Variants in MYO3B observed in about 807,000 individuals in gnomAD.
MYO3B encodes the protein myosin-IIIb.
Under a neutral mutation model 174.6 loss-of-function variants are expected in MYO3B, and 156 were observed. The observed-to-expected ratio is 0.89, with a 90% CI of 0.78 to 1.02. The LOEUF (loss-of-function observed/expected upper bound fraction) is 1.02. Ranked by LOEUF, MYO3B falls within the 50% of genes least tolerant of loss-of-function variation. The probability of loss-of-function intolerance (pLI) is 0.00; values close to 1 mark genes in which losing one functional copy is unlikely to be tolerated. For missense variants in MYO3B, 1,632 were observed against 1,639.4 expected, an observed-to-expected ratio of 1.00 and a Z score of 0.08; for synonymous variants, 563 against 569.1, an observed-to-expected ratio of 0.99 and a Z score of 0.15.
intron 7 of MYO3B, among the ~76,000 whole-genome samples, chr2:170,260,573 G>A (rs183209887): frequency 7.2e-5 from 11 of 152,282 alleles, no homozygotes; most frequent in Admixed American, 6.5e-4. Flanking sequence ...AGGAGAAGAA[G>A]GGTTGAAAAA....
At chr2:170,484,405 A>C (rs542412036) in intron 25 of MYO3B, among the ~76,000 whole-genome samples, 3 of 152,320 alleles carry the variant, frequency 2.0e-5, no homozygotes, top group Non-Finnish European at 4.4e-5. Context: ...TGCATTAATA[A>C]ATTTTCTAAT....
chr2:170,220,784 C>T (rs2105380249), intron 6 of MYO3B, among the ~76,000 whole-genome samples: 1 of 152,168 alleles, frequency 6.6e-6, no homozygotes, highest in South Asian at 2.1e-4. Flanking sequence ...GAAAAGTAAG[C>T]AGTTTAAGGT....
intron 22 of MYO3B, among the ~76,000 whole-genome samples, chr2:170,425,031 A>G (rs540331896): frequency 1.2e-4 from 19 of 152,330 alleles, no homozygotes; most frequent in African/African-American, 4.6e-4. Flanking sequence ...AGCCATTTAT[A>G]CTTTATTAAG....
At chr2:170,230,092 T>C (rs1422915951) in intron 6 of MYO3B, among the ~76,000 whole-genome samples, 2 of 152,222 alleles carry the variant, frequency 1.3e-5, no homozygotes, top group East Asian at 3.9e-4. Flanking sequence ...TTATGTTCAA[T>C]AACATTTATC....
At chr2:170,489,157 C>T (rs1686266381) in intron 25 of MYO3B, among the ~76,000 whole-genome samples, 1 of 152,202 alleles carries the variant, frequency 6.6e-6, no homozygotes, top group Non-Finnish European at 1.5e-5. Flanking sequence ...CTTCTACTTA[C>T]TAAATTTCTC....
At chr2:170,184,285 G>A (rs1366003193) in intron 1 of MYO3B, among the ~76,000 whole-genome samples, 2 of 151,774 alleles carry the variant, frequency 1.3e-5, no homozygotes, top group African/African-American at 4.8e-5. Flanking sequence ...TCAAATACTA[G>A]ATCATATTCA....
At chr2:170,346,078 G>T (rs906902644) in intron 8 of MYO3B, 5 of 151,996 alleles carry the variant, frequency 3.3e-5, no homozygotes, top group Non-Finnish European at 7.4e-5. Context: ...TCCATGACTG[G>T]GTAGTTACAG....
Position 170,651,672 on chromosome 2 carries a change from C to G in MYO3B, c.3778C>G (p.Arg1260Gly). Reference protein sequence around the residue: ...LAQKHRTPRRRCQQPKMLSSP... With the variant: ...LAQKHRTPRRGCQQPKMLSSP... ...ACAGAAGCATCGAACACCTCGCCGACGATGTCAGCAGCCCAAAATGCTGAG... is the reference window on the plus strand; with the variant it reads ...ACAGAAGCATCGAACACCTCGCCGAGGATGTCAGCAGCCCAAAATGCTGAG... Residue 1260 changes from arginine to glycine, a missense_variant, in exon 33 of 35, where the codon CGA becomes GGA. Arg to Gly is a moderately radical substitution (Grantham distance 125). Transcript: ENST00000408978. The G allele has an allele frequency of 6.2e-7, 1 of 1,614,080 alleles. No individual in the cohort carries two copies.
chr2:170,603,100 C>T (rs1694618857), intron 32 of MYO3B, among the ~76,000 whole-genome samples: 1 of 151,534 alleles, frequency 6.6e-6, no homozygotes, highest in Admixed American at 6.6e-5. Context: ...CAAAAAAAAA[C>T]TTCTAAACCT....
intron 32 of MYO3B, among the ~76,000 whole-genome samples, chr2:170,573,995 C>G (rs1692627701): frequency 6.6e-6 from 1 of 152,122 alleles, no homozygotes; most frequent in Admixed American, 6.6e-5. Flanking sequence ...AAAACACCCT[C>G]TTTTATAATA....
chr2:170,494,727 C>CAAAAAAAAAAAAAAAAAAAAAAAAAAA (rs3066990), intron 25 of MYO3B, among the ~76,000 whole-genome samples: 1 of 92,038 alleles, frequency 1.1e-5, no homozygotes, highest in Non-Finnish European at 2.1e-5. Context: ...AACTGCGTCT[C>CAAAAAAAAAAAAAAAAAAAAAAAAAAA]AAAAAAAAAA....
chr2:170,551,389 T>TG (rs1690895357), intron 32 of MYO3B, among the ~76,000 whole-genome samples: 2 of 149,160 alleles, frequency 1.3e-5, no homozygotes, highest in Non-Finnish European at 3.0e-5. Flanking sequence ...TATTTATTTT[T>TG]AGGTGGAGTC....
In MYO3B at chr2:170,589,891, A is replaced by C. The variant is rs551732202; in HGVS notation, c.3733+45903A>C. On this transcript the variant is annotated intron_variant, in intron 32 of 34. Transcript: ENST00000408978. Reference sequence around the variant, plus strand: ...AAGCATCATTTATGTCAAGTGCCCTATACAGAGGTACCATTTTTTATCTTT... The same window carrying C: ...AAGCATCATTTATGTCAAGTGCCCTCTACAGAGGTACCATTTTTTATCTTT... Among the ~76,000 whole-genome samples, 5 of 152,334 alleles carry C rather than the reference A, an allele frequency of 3.3e-5. No homozygotes were observed. In the South Asian group the frequency reaches 1.0e-3, roughly 32 times the overall value.
chr2:170,180,546 G>T (rs2092385513), intron 1 of MYO3B, among the ~76,000 whole-genome samples: 1 of 151,660 alleles, frequency 6.6e-6, no homozygotes, highest in Non-Finnish European at 1.5e-5. Flanking sequence ...CACACATTTG[G>T]GTCATAATAG....
intron 7 of MYO3B, among the ~76,000 whole-genome samples, chr2:170,297,530 A>G (rs191933014): frequency 1.3e-5 from 2 of 152,354 alleles, no homozygotes; most frequent in South Asian, 2.1e-4. Flanking sequence ...GTTCATATCT[A>G]TAAAGGAATT....
chr2:170,285,713 T>G (rs2093551070), intron 7 of MYO3B, among the ~76,000 whole-genome samples: 2 of 152,164 alleles, frequency 1.3e-5, no homozygotes, highest in African/African-American at 4.8e-5. Flanking sequence ...CAAAAACTTT[T>G]AAGTTTAATG....
In MYO3B at chr2:170,404,510, G is replaced by T; in HGVS notation, c.2431+110G>T. The T allele has an allele frequency of 2.6e-6, 3 of 1,146,544 alleles. No individual in the cohort carries two copies. The African/African-American group carries it at 4.7e-5, about 18-fold the overall frequency. 71.0% of individuals were successfully genotyped at this position (1,146,544 alleles called of 1,614,324 possible). A position where few individuals can be genotyped will look rare whatever the true frequency, so the allele number is the denominator to read the frequency against. On this transcript the variant is annotated intron_variant, in intron 20 of 34. Coordinates refer to ENST00000408978, the MANE Select transcript of MYO3B (RefSeq NM_138995.5). ...CCTTACATATTTTGTTTATATGGTG[G>T]TTTGTAAGAATATAGGCCTTCTTTT... is the stretch of plus-strand genomic sequence containing the variant.
chr2:170,433,118 A>G (rs1042026079), intron 22 of MYO3B, among the ~76,000 whole-genome samples: 1 of 151,894 alleles, frequency 6.6e-6, no homozygotes, highest in Non-Finnish European at 1.5e-5. Flanking sequence ...TTTATACCAT[A>G]TTTTTACTGT....
At chr2:170,507,474 A>G (rs905017993) in intron 28 of MYO3B, among the ~76,000 whole-genome samples, 1 of 151,970 alleles carries the variant, frequency 6.6e-6, no homozygotes, top group Admixed American at 6.6e-5. Flanking sequence ...TTCTTGGCTC[A>G]CTGCAATCTC....
Sources: allele counts gnomAD v4.1 joint callset (sites outside exome capture counted in the v4.1 genomes callset), GRCh38; gene constraint gnomAD v4.1.1; transcripts MANE v1.5; gene names NCBI Gene and HGNC (gene_info 2026-07-23, HGNC 2026-07-21).